The following CR1 variants were observed in gnomAD, a reference collection of about 807,000 sequenced individuals.
CR1 encodes the protein complement C3b/C4b receptor 1 (Knops blood group), also known as complement receptor type 1.
A neutral mutation model predicts 187.3 loss-of-function variants in CR1; 116 were observed. That is an observed-to-expected ratio of 0.62 (90% CI 0.53 to 0.72). The LOEUF (loss-of-function observed/expected upper bound fraction) is 0.72, where lower values mean the gene tolerates loss of function less well. CR1 is among the 30% of genes least tolerant of loss of function. The pLI, the probability that CR1 is intolerant of heterozygous loss-of-function variation, is 0.00. For synonymous variants in CR1, 576 were observed against 747.1 expected (o/e 0.77, Z 3.73); for missense variants, 1,731 against 2,110.7 (o/e 0.82, Z 3.52).
At chr1:207,597,164 C>G (rs1004655829) in intron 35 of CR1, among the ~76,000 whole-genome samples, 1 of 150,636 alleles carries the variant, frequency 6.6e-6, no homozygotes, top group Non-Finnish European at 1.5e-5. Flanking sequence ...TTTAGCAGAG[C>G]AAGAATGGAG....
intron 2 of CR1, among the ~76,000 whole-genome samples, chr1:207,506,329 G>A (rs1659432136): frequency 6.6e-6 from 1 of 152,148 alleles, no homozygotes; most frequent in African/African-American, 2.4e-5. Context: ...CATTCACTGG[G>A]GGTCTCCCAT....
At chr1:207,616,126 C>T (rs10429943) in intron 40 of CR1, among the ~76,000 whole-genome samples, 30,038 of 151,926 alleles carry the variant, frequency 0.2, 3,234 homozygotes, top group South Asian at 0.44. Context: ...CTTGAATCAC[C>T]AAGAAACATT....
Position 207,584,711 on chromosome 1 carries a change from GAT to G in CR1, c.5368_5369del (p.Ile1790SerfsTer11). The part of the protein sequence containing the change: ...NGRHTGTPSG[D>X]IPYGKEISYT... The stretch of plus-strand genomic sequence containing the variant: ...GAGACACACAGGAACTCCCTCTGGA[GAT>G]ATTCCCTATGGAAAAGAAATATCTT... On this transcript the variant is annotated frameshift_variant, in exon 33 of 47. Coordinates refer to ENST00000367049, the MANE Select transcript of CR1 (RefSeq NM_000651.6). LOFTEE classifies it high-confidence loss of function. 6.2e-7 allele frequency: 1 copy of G among 1,613,708 alleles called. No homozygotes were observed. Among genetic ancestry groups the G allele is most frequent in the Non-Finnish European group, 8.5e-7 (1 of 1,179,706 alleles).
intron 27 of CR1, among the ~76,000 whole-genome samples, chr1:207,574,766 T>C (rs1310097192): frequency 6.6e-6 from 1 of 152,220 alleles, no homozygotes; most frequent in East Asian, 1.9e-4. Flanking sequence ...TAAATATCTG[T>C]TGTGTGCATA....
intron 39 of CR1, among the ~76,000 whole-genome samples, chr1:207,613,264 C>T (rs1323082327): frequency 6.6e-6 from 1 of 152,192 alleles, no homozygotes; most frequent in Non-Finnish European, 1.5e-5. Context: ...GTCATTCTCT[C>T]TCTCAGCGTG....
chr1:207,617,577 G>A lies in CR1; in HGVS notation c.6890-494G>A, dbSNP rs200368373. On this transcript the variant is annotated intron_variant, in intron 41 of 46. Coordinates refer to ENST00000367049, the MANE Select transcript of CR1 (RefSeq NM_000651.6). Reference sequence around the variant, plus strand: ...TATATGTGTATATATATGTGTGTGTGTATATATATATATATATATATATAT... The same window carrying A: ...TATATGTGTATATATATGTGTGTGTATATATATATATATATATATATATAT... Among the ~76,000 whole-genome samples the A allele has an allele frequency of 8.7e-3, 408 of 47,124 alleles. 4 individuals are homozygous for A. The highest frequency in any genetic ancestry group is 0.02 in the Middle Eastern group (2 of 98). 30.9% of individuals were successfully genotyped at this position (47,124 alleles called of 152,430 possible).
At chr1:207,581,093 A>G (rs1413484275) in intron 31 of CR1, among the ~76,000 whole-genome samples, 2 of 147,608 alleles carry the variant, frequency 1.4e-5, no homozygotes, top group Non-Finnish European at 3.0e-5. Context: ...AAAGATCTTG[A>G]AAAAAAAAGT....
intron 31 of CR1, 87 bp downstream of exon 31, chr1:207,580,700 C>T (rs768621448): frequency 3.4e-5 from 42 of 1,227,910 alleles, no homozygotes; most frequent in African/African-American, 4.6e-5. Flanking sequence ...GAGGGCTGAC[C>T]TAGGAGAAGA....
intron 29 of CR1, among the ~76,000 whole-genome samples, chr1:207,579,467 A>G (rs550788855): frequency 6.6e-6 from 1 of 152,330 alleles, no homozygotes; most frequent in African/African-American, 2.4e-5. Flanking sequence ...TCTGGCCCAG[A>G]CAGGATGAAG....
intron 4 of CR1, among the ~76,000 whole-genome samples, chr1:207,519,295 T>G (rs1659899013): frequency 6.6e-6 from 1 of 151,864 alleles, no homozygotes; most frequent in South Asian, 2.1e-4. Flanking sequence ...ACATTAAAAT[T>G]TAATAATAAA....
At chr1:207,565,984 C>T in intron 24 of CR1, 61 bp downstream of exon 24, 1 of 1,589,502 alleles carries the variant, frequency 6.3e-7, no homozygotes, top group Non-Finnish European at 8.6e-7. Flanking sequence ...ACTATTTGTC[C>T]TATGGCCTCC....
At chr1:207,515,024 C>CAG (rs763667744) in intron 4 of CR1, among the ~76,000 whole-genome samples, 1 of 145,980 alleles carries the variant, frequency 6.9e-6, no homozygotes, top group East Asian at 2.0e-4. Flanking sequence ...CACACACACA[C>CAG]ACATATATAC....
chr1:207,502,939 T>C (rs1364353584), intron 1 of CR1, among the ~76,000 whole-genome samples: 2 of 152,188 alleles, frequency 1.3e-5, no homozygotes, highest in Non-Finnish European at 2.9e-5. Flanking sequence ...AGGTCACCAG[T>C]CACTGAGGTC....
chr1:207,599,065 C>T (rs1175068060), intron 35 of CR1: 4 of 152,022 alleles, frequency 2.6e-5, no homozygotes, highest in Admixed American at 1.3e-4. Flanking sequence ...AAAAATACAC[C>T]GTATGTTAAC....
intron 3 of CR1, among the ~76,000 whole-genome samples, chr1:207,510,724 CCCTT>C (rs1044541628): frequency 1.0e-4 from 9 of 89,916 alleles, no homozygotes; most frequent in Middle Eastern, 5.2e-3. Context: ...GTTATGTATC[CCCTT>C]CCTTCCTTCC....
intron 27 of CR1, among the ~76,000 whole-genome samples, chr1:207,574,884 C>G (rs946113591): frequency 6.6e-6 from 1 of 152,126 alleles, no homozygotes; most frequent in African/African-American, 2.4e-5. Flanking sequence ...CTGAATCTAT[C>G]TCTTCCATAT....
chr1:207,630,473 T>A, intron 45 of CR1, 44 bp from the exon 46 acceptor site: 1 of 1,269,564 alleles, frequency 7.9e-7, no homozygotes. Context: ...AACAGATACT[T>A]AAATGATTAA....
chr1:207,497,783 C>T (rs569503724), intron 1 of CR1, among the ~76,000 whole-genome samples: 10 of 151,898 alleles, frequency 6.6e-5, no homozygotes, highest in Non-Finnish European at 1.3e-4. Context: ...CAATCCCAGA[C>T]ACTATTAATT....
chr1:207,582,393 A>G (rs1660984378), intron 32 of CR1, among the ~76,000 whole-genome samples: 1 of 152,224 alleles, frequency 6.6e-6, no homozygotes, highest in Non-Finnish European at 1.5e-5. Flanking sequence ...TTATTTGAGC[A>G]CCTACTATGT....
Sources: allele counts gnomAD v4.1 joint callset (sites outside exome capture counted in the v4.1 genomes callset), GRCh38; gene constraint gnomAD v4.1.1; transcripts MANE v1.5; gene names NCBI Gene and HGNC (gene_info 2026-07-23, HGNC 2026-07-21).